Variants in PRKX observed in about 807,000 individuals in gnomAD.
The protein encoded by PRKX is cAMP-dependent protein kinase catalytic subunit PRKX.
PRKX carries 12 observed loss-of-function variants against 22.0 expected under a neutral mutation model. The observed-to-expected ratio is 0.54, with a 90% CI of 0.35 to 0.88. The LOEUF (loss-of-function observed/expected upper bound fraction) is 0.88. Ranked by LOEUF, PRKX falls within the 40% of genes least tolerant of loss-of-function variation. The probability of loss-of-function intolerance (pLI) is 0.01; values close to 1 mark genes in which losing one functional copy is unlikely to be tolerated. For synonymous variants in PRKX, 134 were observed against 137.7 expected (o/e 0.97, Z 0.19); for missense variants, 217 against 308.0 (o/e 0.70, Z 2.21).
chrX:3,675,317 A>G, intron 1 of PRKX, among the ~76,000 whole-genome samples: 1 of 111,072 alleles, frequency 9.0e-6, no homozygotes, highest in East Asian at 2.9e-4. Flanking sequence ...ATGAAGTGCT[A>G]TATAGGTGCC....
chrX:3,688,569 T>C (rs748832029), intron 1 of PRKX, among the ~76,000 whole-genome samples: 1 of 86,603 alleles, frequency 1.2e-5, no homozygotes, highest in Non-Finnish European at 2.5e-5. Flanking sequence ...TCCACACCTA[T>C]AGATGGGTGG....
chrX:3,625,579 CT>C (rs111531957), intron 5 of PRKX, among the ~76,000 whole-genome samples: 6,503 of 107,042 alleles, frequency 0.061, 465 homozygotes, highest in African/African-American at 0.2. Flanking sequence ...CAAAAGCATT[CT>C]TTTTTTTTTG....
At chrX:3,666,220 T>C (rs1927726075) in intron 2 of PRKX, among the ~76,000 whole-genome samples, 1 of 103,592 alleles carries the variant, frequency 9.7e-6, no homozygotes, top group South Asian at 4.7e-4. Context: ...AGTGGTGCGA[T>C]CTTGGCTCAC....
chrX:3,708,987 C>T (rs887196545), intron 1 of PRKX, among the ~76,000 whole-genome samples: 6 of 109,872 alleles, frequency 5.5e-5, no homozygotes, highest in Non-Finnish European at 1.1e-4. Context: ...CACACACACT[C>T]GCAAACACAA....
At chrX:3,689,784 T>C (rs867421264) in intron 1 of PRKX, among the ~76,000 whole-genome samples, 18 of 111,842 alleles carry the variant, frequency 1.6e-4, no homozygotes, top group East Asian at 5.6e-4. Context: ...GAGACCATCC[T>C]GGCTAACACG....
At chrX:3,655,961 G>A (rs181485430) in intron 2 of PRKX, among the ~76,000 whole-genome samples, 1 of 110,691 alleles carries the variant, frequency 9.0e-6, no homozygotes, top group Admixed American at 9.6e-5. Context: ...GATGTAGACA[G>A]GTGTTAGTAT....
At chrX:3,652,906 C>T (rs1319884757) in intron 3 of PRKX, among the ~76,000 whole-genome samples, 2 of 110,613 alleles carry the variant, frequency 1.8e-5, no homozygotes, top group Non-Finnish European at 3.8e-5. Context: ...ACAGCGTCTC[C>T]AAGCCAAGGA....
chrX:3,616,900 A>C lies in PRKX; in HGVS notation c.874-1008T>G, dbSNP rs1176714745. Among the ~76,000 whole-genome samples, 4 of 111,669 alleles carry C rather than the reference A, an allele frequency of 3.6e-5. No homozygotes were observed. In the Admixed American group the frequency reaches 3.8e-4, roughly 11 times the overall value. On this transcript the variant is annotated intron_variant, in intron 6 of 8. Coordinates refer to ENST00000262848, the MANE Select transcript of PRKX (RefSeq NM_005044.5). Reference sequence around the variant, plus strand: ...GTGCTGTGAATAAGAGAATAAAATAAATTTTATCCATCAGATAAAATTCTA... The same window carrying C: ...GTGCTGTGAATAAGAGAATAAAATACATTTTATCCATCAGATAAAATTCTA...
At chrX:3,703,775 G>A (rs1160886800) in intron 1 of PRKX, among the ~76,000 whole-genome samples, 1 of 103,417 alleles carries the variant, frequency 9.7e-6, no homozygotes, top group East Asian at 3.2e-4. Flanking sequence ...GGGTTCAAGT[G>A]ATTCTCCTGC....
chrX:3,627,102 C>T (rs1317401430), intron 4 of PRKX, among the ~76,000 whole-genome samples: 1 of 111,398 alleles, frequency 9.0e-6, no homozygotes, highest in African/African-American at 3.3e-5. Flanking sequence ...CCAATTAAGA[C>T]GGCCATTATC....
intron 1 of PRKX, among the ~76,000 whole-genome samples, chrX:3,689,073 G>A (rs1928242640): frequency 8.9e-6 from 1 of 112,110 alleles, no homozygotes; most frequent in Non-Finnish European, 1.9e-5. Flanking sequence ...TATGACTATA[G>A]AAATAGTTCA....
At chrX:3,701,069 C>T (rs1345580221) in intron 1 of PRKX, among the ~76,000 whole-genome samples, 3 of 109,034 alleles carry the variant, frequency 2.8e-5, no homozygotes, top group Non-Finnish European at 5.7e-5. Context: ...TTATTTTTTT[C>T]TTCTGTTTTC....
chrX:3,624,034 T>A (rs17051658), intron 5 of PRKX, among the ~76,000 whole-genome samples: 1 of 110,809 alleles, frequency 9.0e-6, no homozygotes. Flanking sequence ...TCTAGCATCA[T>A]GGACAACCAG....
chrX:3,685,735 A>T (rs1928165596), intron 1 of PRKX, among the ~76,000 whole-genome samples: 1 of 109,275 alleles, frequency 9.2e-6, no homozygotes, highest in South Asian at 4.1e-4. Context: ...GCTAAGAGGA[A>T]TTTAAAAAAA....
chrX:3,664,123 G>A (rs1321724938), intron 2 of PRKX, among the ~76,000 whole-genome samples: 1 of 111,869 alleles, frequency 8.9e-6, no homozygotes, highest in Non-Finnish European at 1.9e-5. Flanking sequence ...CTCCTCTCGA[G>A]GAGAAGTGAG....
intron 5 of PRKX, among the ~76,000 whole-genome samples, chrX:3,621,574 C>G (rs765841652): frequency 5.7e-4 from 64 of 112,081 alleles, no homozygotes; most frequent in African/African-American, 2.0e-3. Flanking sequence ...AAATACACCT[C>G]TGAGTAGAAA....
chrX:3,666,910 T>TCAAA (rs1569055293), intron 2 of PRKX, among the ~76,000 whole-genome samples: 1 of 31,326 alleles, frequency 3.2e-5, no homozygotes, highest in African/African-American at 1.0e-4. Context: ...CTCATTTCTT[T>TCAAA]TAAAAAAAAA....
At chrX:3,614,299 G>C (rs1926372658) in intron 7 of PRKX, among the ~76,000 whole-genome samples, 1 of 111,552 alleles carries the variant, frequency 9.0e-6, no homozygotes, top group Admixed American at 9.6e-5. Flanking sequence ...TTAGGAGATT[G>C]AGACCAGCCT....
At chrX:3,630,516 C>G (rs986129916) in intron 4 of PRKX, among the ~76,000 whole-genome samples, 3 of 111,576 alleles carry the variant, frequency 2.7e-5, no homozygotes, top group South Asian at 7.6e-4. Flanking sequence ...GCCGAGATCA[C>G]GCCACTGCAC....
Sources: gnomAD v4.1 joint callset for allele counts (sites outside exome capture counted in the v4.1 genomes callset) on GRCh38, gnomAD v4.1.1 for gene constraint, MANE v1.5 for transcripts, NCBI Gene and HGNC (gene_info 2026-07-23, HGNC 2026-07-21) for gene names.